The following SEC31A variants were observed in gnomAD, a reference collection of about 807,000 sequenced individuals.
SEC31A encodes protein transport protein Sec31A.
In SEC31A, 70 loss-of-function variants were observed where a neutral mutation model predicts 151.0. The ratio of observed to expected loss-of-function variants is 0.46; its 90% CI spans 0.38 to 0.57. The LOEUF (loss-of-function observed/expected upper bound fraction) is 0.57. Ranked by LOEUF, SEC31A falls within the 20% of genes least tolerant of loss-of-function variation. The pLI, the probability that SEC31A is intolerant of heterozygous loss-of-function variation, is 0.00. For synonymous variants in SEC31A, 475 were observed against 505.9 expected (o/e 0.94, Z 0.82); for missense variants, 1,330 against 1,471.2 (o/e 0.90, Z 1.57).
intron 22 of SEC31A, among the ~76,000 whole-genome samples, chr4:82,837,613 G>A (rs1186001815): frequency 1.3e-5 from 2 of 152,072 alleles, no homozygotes; most frequent in Non-Finnish European, 2.9e-5. Flanking sequence ...TCGAACTCCA[G>A]GGCTCATGCA....
chr4:82,867,282 C>A lies in SEC31A; in HGVS notation c.917G>T (p.Cys306Phe). ...TCGGGGACACCACTGAATATCGAAG[C>A]ACCACTGTGTGTTGGTGGGAAGTTC... is the stretch of plus-strand genomic sequence containing the variant. The part of the protein sequence containing the change: ...LYELPTNTQW[C>F]FDIQWCPRNP... Residue 306 changes from cysteine to phenylalanine, a missense_variant, in exon 9 of 27, where the codon TGC becomes TTC. Coordinates refer to ENST00000395310, the MANE Select transcript of SEC31A (RefSeq NM_001077207.4). 1.2e-6 allele frequency: 2 copies of A among 1,614,130 alleles called. No homozygotes were observed. The highest frequency in any genetic ancestry group is 1.3e-5 in the African/African-American group (1 of 75,046).
chr4:82,894,603 G>C (rs1472430484), upstream of SEC31A: 1 of 152,166 alleles, frequency 6.6e-6, no homozygotes, highest in Non-Finnish European at 1.5e-5. Context: ...CTGCCACTGT[G>C]GGCTTCTTCT....
At chr4:82,871,868 A>G in intron 7 of SEC31A, 76 bp downstream of exon 7, 2 of 1,599,028 alleles carry the variant, frequency 1.3e-6, no homozygotes, top group Non-Finnish European at 1.7e-6. Context: ...CCTATGGTGT[A>G]TTTCTGGTCA....
chr4:82,830,281 G>A (rs1725625923), intron 22 of SEC31A, among the ~76,000 whole-genome samples: 1 of 151,890 alleles, frequency 6.6e-6, no homozygotes, highest in Non-Finnish European at 1.5e-5. Flanking sequence ...GCCAACATGG[G>A]GAAACCCCAT....
At position 82,861,711 on chromosome 4, in the gene SEC31A, T is replaced by C; in HGVS notation, c.1549-3A>G. 1 of 1,600,088 alleles carries C rather than the reference T, an allele frequency of 6.2e-7. No individual in the cohort carries two copies. The highest frequency in any genetic ancestry group is 8.5e-7 in the Non-Finnish European group (1 of 1,169,680). On this transcript the variant is annotated splice_polypyrimidine_tract_variant and splice_region_variant and intron_variant, in intron 13 of 26. Transcript: ENST00000395310. Reference sequence around the variant, plus strand: ...ACTTGGTCAGAGTCTTTAAGAGCCTTTGGTACACAAAACAATTACAGGGGA... The same window carrying C: ...ACTTGGTCAGAGTCTTTAAGAGCCTCTGGTACACAAAACAATTACAGGGGA...
rs966800919 is a variant in SEC31A at position 82,828,986 on chromosome 4, T to C, written c.3027+14A>G. On this transcript the variant is annotated intron_variant, in intron 23 of 26. Coordinates refer to ENST00000395310, the MANE Select transcript of SEC31A (RefSeq NM_001077207.4). ...ACATCTGTAGGCCATTGGATGGACA[T>C]CTTTTTCTAGTACCTTCTTCTTTTT... 2 of 1,611,310 alleles carry C rather than the reference T, an allele frequency of 1.2e-6. No homozygotes were observed.
chr4:82,894,031 TGA>T (rs1719952326), upstream of SEC31A: 1 of 152,324 alleles, frequency 6.6e-6, no homozygotes, highest in Admixed American at 6.5e-5. Context: ...CCTTGTTTGA[TGA>T]GAGGGATGAG....
chr4:82,824,493 C>T (rs1724100987), intron 25 of SEC31A, 62 bp downstream of exon 25: 2 of 1,574,702 alleles, frequency 1.3e-6, no homozygotes, highest in Admixed American at 3.6e-5. Context: ...GCATAAGCCA[C>T]CACACCTGGC....
At chr4:82,866,665 C>A in intron 10 of SEC31A, 143 bp downstream of exon 10, 3 of 701,932 alleles carry the variant, frequency 4.3e-6, no homozygotes, top group East Asian at 3.0e-5. Flanking sequence ...TTCAGAGAAA[C>A]CATTTTGAAT....
At chr4:82,834,425 C>A (rs757470373) in intron 22 of SEC31A, among the ~76,000 whole-genome samples, 4 of 152,046 alleles carry the variant, frequency 2.6e-5, no homozygotes, top group South Asian at 4.1e-4. Flanking sequence ...CTATTAGCAG[C>A]ACAAAAAAGT....
chr4:82,833,747 T>C (rs896020422), intron 22 of SEC31A, among the ~76,000 whole-genome samples: 8 of 152,228 alleles, frequency 5.3e-5, no homozygotes, highest in African/African-American at 1.9e-4. Flanking sequence ...CTCATGTGGA[T>C]TCAGCTATCA....
intron 8 of SEC31A, among the ~76,000 whole-genome samples, chr4:82,868,682 C>T (rs1735948581): frequency 6.6e-6 from 1 of 151,950 alleles, no homozygotes; most frequent in Non-Finnish European, 1.5e-5. Context: ...CTTCATGTGA[C>T]CTTCTTTTTC....
At chr4:82,850,672 G>A (rs1393198997) in intron 19 of SEC31A, among the ~76,000 whole-genome samples, 4 of 152,070 alleles carry the variant, frequency 2.6e-5, no homozygotes, top group Non-Finnish European at 5.9e-5. Flanking sequence ...AACCTCACCC[G>A]TACTTTTACC....
At chr4:82,825,284 C>T (rs1444057474) in intron 24 of SEC31A, among the ~76,000 whole-genome samples, 3 of 152,242 alleles carry the variant, frequency 2.0e-5, no homozygotes, top group East Asian at 3.8e-4. Context: ...CAGGAACTGG[C>T]TACGTACTAC....
At chr4:82,859,069 T>A (rs1733470596) in intron 14 of SEC31A, among the ~76,000 whole-genome samples, 1 of 152,120 alleles carries the variant, frequency 6.6e-6, no homozygotes, top group African/African-American at 2.4e-5. Context: ...CATCTAAGAA[T>A]TCCTGTCCAC....
chr4:82,829,761 C>G (rs1198205836), intron 22 of SEC31A, among the ~76,000 whole-genome samples: 1 of 151,852 alleles, frequency 6.6e-6, no homozygotes, highest in African/African-American at 2.4e-5. Flanking sequence ...AAAACACATG[C>G]ACACTAACAA....
intron 10 of SEC31A, 89 bp downstream of exon 10, chr4:82,866,719 T>A (rs2149544044): frequency 8.7e-7 from 1 of 1,146,154 alleles, no homozygotes; most frequent in East Asian, 2.7e-5. Context: ...ACTTAAACCC[T>A]GATTGCTTCC....
chr4:82,844,547 T>C, intron 20 of SEC31A, 38 bp from the exon 21 acceptor site: 1 of 1,600,110 alleles, frequency 6.2e-7, no homozygotes, highest in Non-Finnish European at 8.6e-7. Context: ...CGGATACAAG[T>C]AGAACCAGGA....
At chr4:82,844,234 A>T in intron 21 of SEC31A, 152 bp downstream of exon 21, 1 of 783,240 alleles carries the variant, frequency 1.3e-6, no homozygotes, top group Non-Finnish European at 2.0e-6. Context: ...CACCTCCTAA[A>T]AAAACATGTC....
Sources: allele counts gnomAD v4.1 joint callset (sites outside exome capture counted in the v4.1 genomes callset), GRCh38; gene constraint gnomAD v4.1.1; transcripts MANE v1.5; gene names NCBI Gene and HGNC (gene_info 2026-07-23, HGNC 2026-07-21).